Variants in MBD5 observed in about 807,000 individuals in gnomAD.
MBD5 encodes methyl-CpG-binding domain protein 5.
In MBD5, 13 loss-of-function variants were observed where a neutral mutation model predicts 117.3. The observed-to-expected ratio is 0.11, with a 90% CI of 0.07 to 0.18. The LOEUF is 0.18. MBD5 is among the 10% of genes least tolerant of loss of function. The pLI is 1.00. For missense variants in MBD5, 1,879 were observed against 2,093.8 expected (o/e 0.90, Z 2.00); for synonymous variants, 727 against 766.4 (o/e 0.95, Z 0.85).
rs543041736 is a variant in MBD5, at chr2:148,309,996, A to G, written c.-679-32218A>G. Among the ~76,000 whole-genome samples, 7 of 152,262 alleles carry G rather than the reference A, an allele frequency of 4.6e-5. No individual in the cohort carries two copies. The South Asian group carries it at 1.5e-3, about 32-fold the overall frequency. Reference sequence around the variant, plus strand: ...AGCCTTGCATCCCAGGGATAAAGCCAACTTGATCATGGTGGATAAGCTCTT... The same window carrying G: ...AGCCTTGCATCCCAGGGATAAAGCCGACTTGATCATGGTGGATAAGCTCTT... On this transcript the variant is annotated intron_variant, in intron 3 of 13. Coordinates refer to ENST00000642680, the MANE Select transcript of MBD5 (RefSeq NM_001378120.1).
intron 1 of MBD5, among the ~76,000 whole-genome samples, chr2:148,124,205 A>C (rs1001375379): frequency 6.6e-6 from 1 of 152,150 alleles, no homozygotes; most frequent in African/African-American, 2.4e-5. Flanking sequence ...ACTTGAACCC[A>C]GGAGGCAGAG....
At chr2:148,217,438 AGC>A (rs1699584596) in intron 2 of MBD5, among the ~76,000 whole-genome samples, 1 of 152,202 alleles carries the variant, frequency 6.6e-6, no homozygotes, top group Non-Finnish European at 1.5e-5. Flanking sequence ...CCAGCTCATC[AGC>A]TCTTCATGGA....
intron 3 of MBD5, among the ~76,000 whole-genome samples, chr2:148,303,364 A>G (rs918880800): frequency 6.6e-6 from 1 of 152,234 alleles, no homozygotes; most frequent in Non-Finnish European, 1.5e-5. Flanking sequence ...TGGTAGGGAA[A>G]AGTCTGTGTG....
chr2:148,334,265 A>G (rs766802649), intron 3 of MBD5, among the ~76,000 whole-genome samples: 2 of 152,106 alleles, frequency 1.3e-5, no homozygotes, highest in African/African-American at 4.8e-5. Context: ...TCAGTTAGCA[A>G]TAGTCCTGCT....
intron 1 of MBD5, among the ~76,000 whole-genome samples, chr2:148,030,279 G>GA (rs950058487): frequency 4.1e-5 from 6 of 144,908 alleles, no homozygotes; most frequent in Admixed American, 2.1e-4. Flanking sequence ...TGTCTCATAA[G>GA]AAAAAAAAAA....
rs201271788 is a variant in MBD5 at position 148,412,340 on chromosome 2, GAGAGAC to G, written c.-556-45845_-556-45840del. 9.8e-3 allele frequency among the ~76,000 whole-genome samples: 1,488 copies of G among 151,614 alleles called. 25 individuals are homozygous for G. Among genetic ancestry groups the G allele is most frequent in the African/African-American group, 0.034 (1,407 of 41,264 alleles). ...ATATATATATGTATATATATAGAGA[GAGAGAC>G]AGAGACAGAGACAGAGAGAGAGAGT... On this transcript the variant is annotated intron_variant, in intron 4 of 13. Transcript: ENST00000642680.
At chr2:148,148,822 T>C (rs1405357053) in intron 1 of MBD5, among the ~76,000 whole-genome samples, 2 of 152,236 alleles carry the variant, frequency 1.3e-5, no homozygotes, top group Non-Finnish European at 2.9e-5. Flanking sequence ...TAGCATGTCT[T>C]AAAATGAACT....
intron 3 of MBD5, among the ~76,000 whole-genome samples, chr2:148,325,554 T>TG (rs1702422890): frequency 6.6e-6 from 1 of 152,230 alleles, no homozygotes; most frequent in Non-Finnish European, 1.5e-5. Context: ...TCTTCCTGGT[T>TG]TAGTCTTGGG....
intron 1 of MBD5, among the ~76,000 whole-genome samples, chr2:148,112,066 T>C (rs754225344): frequency 6.6e-6 from 1 of 152,136 alleles, no homozygotes; most frequent in Non-Finnish European, 1.5e-5. Context: ...CAACTGTACA[T>C]ATACACAAAC....
chr2:148,268,842 T>C (rs1218644378), intron 3 of MBD5, among the ~76,000 whole-genome samples: 1 of 151,948 alleles, frequency 6.6e-6, no homozygotes, highest in East Asian at 1.9e-4. Flanking sequence ...TCATCATGTA[T>C]TTGGTTTGCT....
At position 148,458,250 on chromosome 2, in the gene MBD5, C is replaced by A. The variant is rs910510714; in HGVS notation, c.-509C>A. On this transcript the variant is annotated 5_prime_UTR_variant, in exon 5 of 14. Coordinates refer to ENST00000642680, the MANE Select transcript of MBD5 (RefSeq NM_001378120.1). The stretch of plus-strand genomic sequence containing the variant: ...GTCATGAAAACATCAGATGAACCAA[C>A]CTGCAACACCTTGGATTCAGATTGG... 3 of 403,346 alleles carry A rather than the reference C, an allele frequency of 7.4e-6. No homozygotes were observed. The allele number at this position is 403,346 out of a possible 1,614,324, so 25.0% of individuals were successfully genotyped here.
intron 4 of MBD5, among the ~76,000 whole-genome samples, chr2:148,446,051 G>C (rs1459073096): frequency 9.3e-5 from 14 of 150,698 alleles, no homozygotes; most frequent in Admixed American, 9.2e-4. Context: ...CAGATGAGTA[G>C]GTTGCAAAAA....
chr2:148,449,180 T>C (rs1706653156), intron 4 of MBD5, among the ~76,000 whole-genome samples: 2 of 152,120 alleles, frequency 1.3e-5, no homozygotes, highest in African/African-American at 2.4e-5. Context: ...TTTAAAGATA[T>C]GTATTTGAGA....
chr2:148,046,655 A>T (rs1173101562), intron 1 of MBD5, among the ~76,000 whole-genome samples: 4 of 152,098 alleles, frequency 2.6e-5, no homozygotes, highest in Admixed American at 6.5e-5. Context: ...AAGTCCGCTC[A>T]GTTCTATCTT....
intron 1 of MBD5, among the ~76,000 whole-genome samples, chr2:148,032,562 G>A (rs1236156713): frequency 6.6e-6 from 1 of 152,114 alleles, no homozygotes; most frequent in Non-Finnish European, 1.5e-5. Flanking sequence ...TGTGGCAGAA[G>A]TTTAGAGCAA....
rs199833872 is a variant in MBD5 at position 148,440,041 on chromosome 2, T to TA, written c.-556-18161dup. 1.6e-3 allele frequency among the ~76,000 whole-genome samples: 242 copies of TA among 152,300 alleles called. 6 individuals are homozygous for TA. The East Asian group carries it at 0.025, about 16-fold the overall frequency. The stretch of plus-strand genomic sequence containing the variant: ...GGAGTGAGCCACCGCACCTGGCGCC[T>TA]ATTCTTAATAATGAATTTAAATAAG... On this transcript the variant is annotated intron_variant, in intron 4 of 13. Transcript: ENST00000642680.
chr2:148,461,570 TGA>T (rs1449447570), intron 5 of MBD5, among the ~76,000 whole-genome samples: 2 of 152,222 alleles, frequency 1.3e-5, no homozygotes, highest in Admixed American at 1.3e-4. Context: ...TGTTTCTGGA[TGA>T]ACTTGGTCAG....
chr2:148,096,574 T>C (rs79132711), intron 1 of MBD5, among the ~76,000 whole-genome samples: 3,378 of 152,264 alleles, frequency 0.022, 145 homozygotes, highest in African/African-American at 0.076. Context: ...ACCAAGCCAT[T>C]GTGCTTTCCT....
intron 2 of MBD5, among the ~76,000 whole-genome samples, chr2:148,179,247 C>G (rs1364715725): frequency 6.6e-6 from 1 of 150,976 alleles, no homozygotes; most frequent in Non-Finnish European, 1.5e-5. Flanking sequence ...CCCAGCTACT[C>G]GGGAGGCTGA....
Sources: allele counts gnomAD v4.1 joint callset (sites outside exome capture counted in the v4.1 genomes callset), GRCh38; gene constraint gnomAD v4.1.1; transcripts MANE v1.5; gene names NCBI Gene and HGNC (gene_info 2026-07-23, HGNC 2026-07-21).